HMX1: variants seen among roughly 807,000 people sequenced by gnomAD.
The protein encoded by HMX1 is homeobox protein HMX1.
HMX1 carries 8 observed loss-of-function variants against 8.9 expected under a neutral mutation model. That is an observed-to-expected ratio of 0.90 (90% CI 0.53 to 1.63). HMX1 has a LOEUF of 1.63. Among genes scored for constraint, HMX1 ranks in the 40% most tolerant of loss-of-function variants. The pLI is 0.00. For missense variants in HMX1, 621 were observed against 558.5 expected (o/e 1.11, Z -1.13); for synonymous variants, 311 against 283.4 (o/e 1.10, Z -0.98).
chr4:8,867,822 C>T lies in HMX1; in HGVS notation c.918G>A (p.Leu306=). 2 of 1,227,066 alleles carry T rather than the reference C, an allele frequency of 1.6e-6. No homozygotes were observed. Among genetic ancestry groups the T allele is most frequent in the South Asian group, 4.0e-5 (1 of 25,138 alleles). The allele number at this position is 1,227,066 out of a possible 1,614,324, so 76.0% of individuals were successfully genotyped here. Residue 306 remains leucine (L), a synonymous_variant, in exon 2 of 2, where the codon CTG becomes CTA. Coordinates refer to ENST00000400677, the MANE Select transcript of HMX1 (RefSeq NM_018942.3). Reference sequence around the variant, plus strand: ...GGGGCGGCGCGGGCGCGGCGGGCGCCAGCGGGAAGGGCAGGGTGGCCGGGG... The same window carrying T: ...GGGGCGGCGCGGGCGCGGCGGGCGCTAGCGGGAAGGGCAGGGTGGCCGGGG... ...AGPPATLPFP[L]APAAPAPPPP... is the part of the protein sequence containing the mutation.
intron 1 of HMX1, among the ~76,000 whole-genome samples, chr4:8,852,021 C>A (rs1721464145): frequency 6.6e-6 from 1 of 152,266 alleles, no homozygotes; most frequent in Admixed American, 6.5e-5. Flanking sequence ...GGCAGCCCCT[C>A]TCGTCCCTAG....
At chr4:8,859,150 C>G (rs1392338840) in intron 1 of HMX1, 1 of 152,262 alleles carries the variant, frequency 6.6e-6, no homozygotes, top group East Asian at 1.9e-4. Flanking sequence ...TTCTAGCAGG[C>G]TAAGGGTCTG....
At position 8,871,589 on chromosome 4, in the gene HMX1, C is replaced by A. The variant is rs1577202563; in HGVS notation, c.26G>T (p.Gly9Val). 8 of 1,339,194 alleles carry A rather than the reference C, an allele frequency of 6.0e-6. No individual in the cohort carries two copies. The East Asian group carries it at 2.0e-4, about 33-fold the overall frequency. The allele number at this position is 1,339,194 out of a possible 1,614,324, so 83.0% of individuals were successfully genotyped here. A position where few individuals can be genotyped will look rare whatever the true frequency, so the allele number is the denominator to read the frequency against. MPDELTEPGRATPARASSF... is the reference protein window; with the variant it reads MPDELTEPVRATPARASSF... The stretch of plus-strand genomic sequence containing the variant: ...GGAGGCGCGGGCCGGCGTGGCGCGC[C>A]CGGGCTCCGTCAGCTCGTCAGGCAT... Residue 9 changes from glycine (G) to valine (V), a missense_variant, in exon 1 of 2, where the codon GGG becomes GTG. Transcript: ENST00000400677. This position sits in a 1 kb window ranked among gnomAD's most constrained non-coding sequence, Gnocchi z 4.8.
chr4:8,871,072 CT>C lies in HMX1; in HGVS notation c.394+148del. 1.1e-6 allele frequency: 1 copy of C among 894,462 alleles called. No individual in the cohort carries two copies. Among genetic ancestry groups the C allele is most frequent in the Non-Finnish European group, 1.5e-6 (1 of 678,282 alleles). The allele number at this position is 894,462 out of a possible 1,614,324, so 55.4% of individuals were successfully genotyped here. A position where few individuals can be genotyped will look rare whatever the true frequency, so the allele number is the denominator to read the frequency against. ...TCCAAACCAGCCCAACCAGGGGCTC[CT>C]GGGGGCCCCACAAGGCCCAGACGCC... is the stretch of plus-strand genomic sequence containing the variant. On this transcript the variant is annotated intron_variant, in intron 1 of 1. Coordinates refer to ENST00000400677, the MANE Select transcript of HMX1 (RefSeq NM_018942.3). This position sits in a 1 kb window ranked among gnomAD's most constrained non-coding sequence, Gnocchi z 4.8.
downstream of HMX1, among the ~76,000 whole-genome samples, chr4:8,863,982 T>A (rs1383690203): frequency 6.6e-6 from 1 of 151,916 alleles, no homozygotes; most frequent in Admixed American, 6.6e-5. Flanking sequence ...CCTTTGGAGG[T>A]CCCAGATGCC....
intron 1 of HMX1, among the ~76,000 whole-genome samples, chr4:8,869,134 GGAGGTTC>G (rs1433889895): frequency 1.3e-5 from 2 of 152,204 alleles, no homozygotes; most frequent in Non-Finnish European, 2.9e-5. Flanking sequence ...TTTCAAGACT[GGAGGTTC>G]AGCCTCATGG....
chr4:8,866,819 A>G (rs138180540), downstream of HMX1, among the ~76,000 whole-genome samples: 10,070 of 152,150 alleles, frequency 0.066, 1,098 homozygotes, highest in African/African-American at 0.22. Context: ...ACACACCATC[A>G]TCACTTCCTC....
At chr4:8,858,699 G>A (rs1412359430) in intron 1 of HMX1, 1 of 152,254 alleles carries the variant, frequency 6.6e-6, no homozygotes, top group Non-Finnish European at 1.5e-5. Flanking sequence ...ATACACCAAT[G>A]CCCCGGGCCC....
At chr4:8,862,615 CAAT>C (rs1258017230), downstream of HMX1, among the ~76,000 whole-genome samples, 1 of 152,136 alleles carries the variant, frequency 6.6e-6, no homozygotes, top group Non-Finnish European at 1.5e-5. Context: ...TTTAAAATAA[CAAT>C]ACGGCTTAAG....
downstream of HMX1, chr4:8,867,022 C>T (rs183559190): frequency 7.4e-4 from 716 of 961,690 alleles, 2 homozygotes; most frequent in African/African-American, 0.012. Context: ...TGTCTCTGCC[C>T]TCGTGATCAC....
Position 8,871,326 on chromosome 4 carries a change from G to T in HMX1, c.289C>A (p.Arg97=), listed in dbSNP as rs1386047060. The stretch of plus-strand genomic sequence containing the variant: ...GGCGGCCCGGGACCGGGGGGCGGCC[G>T]AGGACCGAGGCCCAGCGCGCCCGGC... ...LGPGALGLGP[R]PPPGPGPPFA... The change falls in exon 1 of 2, where the codon CGG becomes AGG. Residue 97 remains arginine (R), a synonymous_variant. Transcript: ENST00000400677. The surrounding 1 kb of genome is among the most constrained non-coding windows in gnomAD (Gnocchi z 4.8). 1 of 1,339,754 alleles carries T rather than the reference G, an allele frequency of 7.5e-7. No homozygotes were observed. Among genetic ancestry groups the T allele is most frequent in the Admixed American group, 4.1e-5 (1 of 24,434 alleles). The allele number at this position is 1,339,754 out of a possible 1,614,324, so 83.0% of individuals were successfully genotyped here.
chr4:8,863,716 C>A (rs990023791), downstream of HMX1, among the ~76,000 whole-genome samples: 1 of 152,246 alleles, frequency 6.6e-6, no homozygotes, highest in Admixed American at 6.5e-5. Flanking sequence ...GAGGACAGAG[C>A]CCTGGTTGCT....
chr4:8,862,115 C>T (rs1343414873), downstream of HMX1, among the ~76,000 whole-genome samples: 1 of 152,220 alleles, frequency 6.6e-6, no homozygotes, highest in African/African-American at 2.4e-5. Context: ...GGCACCACGA[C>T]CAGTGGAGAA....
chr4:8,851,030 C>T (rs1014875454), intron 1 of HMX1, among the ~76,000 whole-genome samples: 3 of 152,284 alleles, frequency 2.0e-5, no homozygotes, highest in African/African-American at 7.2e-5. Context: ...CTGGCAGACA[C>T]TCTCCAGGCT....
At chr4:8,846,220 C>G in exon 2 of HMX1, 1 of 1,524,538 alleles carries the variant, frequency 6.6e-7, no homozygotes, top group South Asian at 1.2e-5. Flanking sequence ...GCCTCCTCCG[C>G]CATCCAGAGG....
At chr4:8,852,681 TTG>T (rs1721491699) in intron 1 of HMX1, among the ~76,000 whole-genome samples, 1 of 152,212 alleles carries the variant, frequency 6.6e-6, no homozygotes, top group African/African-American at 2.4e-5. Flanking sequence ...TTTTGGTGCT[TTG>T]TGGCCAAAAC....
Position 8,867,913 on chromosome 4 carries a change from G to T in HMX1, c.827C>A (p.Ala276Glu). ...CACCGGCACGCGGACCAGGCGCTGCGCTCCCGGCGGGGACAGGCTGGCCGC... is the reference window on the plus strand; with the variant it reads ...CACCGGCACGCGGACCAGGCGCTGCTCTCCCGGCGGGGACAGGCTGGCCGC... ...LEAASLSPPGAQRLVRVPVLY... is the reference protein window; with the variant it reads ...LEAASLSPPGEQRLVRVPVLY... Residue 276 changes from alanine (A) to glutamate (E), a missense_variant, in exon 2 of 2, where the codon GCG becomes GAG. Transcript: ENST00000400677. 7.0e-7 allele frequency: 1 copy of T among 1,425,518 alleles called. No homozygotes were observed. The highest frequency in any genetic ancestry group is 1.4e-5 in the South Asian group (1 of 70,802). The allele number at this position is 1,425,518 out of a possible 1,614,324, so 88.3% of individuals were successfully genotyped here.
At chr4:8,860,077 G>A (rs1319879513) in intron 1 of HMX1, among the ~76,000 whole-genome samples, 3 of 152,262 alleles carry the variant, frequency 2.0e-5, no homozygotes, top group African/African-American at 7.2e-5. Flanking sequence ...GGGCGAAGCC[G>A]AGTTCGTGGA....
intron 1 of HMX1, among the ~76,000 whole-genome samples, chr4:8,854,556 C>T (rs1721553105): frequency 6.6e-6 from 1 of 152,206 alleles, no homozygotes; most frequent in African/African-American, 2.4e-5. Context: ...CAGCCTGCTC[C>T]CTGTGGAATC....
Sources: allele counts gnomAD v4.1 joint callset (sites outside exome capture counted in the v4.1 genomes callset), GRCh38; gene constraint gnomAD v4.1.1; non-coding constraint Gnocchi (gnomAD v3.1); transcripts MANE v1.5; gene names NCBI Gene and HGNC (gene_info 2026-07-23, HGNC 2026-07-21).